Variants in MYO10 observed in about 807,000 individuals in gnomAD.
MYO10 encodes the protein myosin X.
MYO10 carries 133 observed loss-of-function variants against 257.3 expected under a neutral mutation model. That is an observed-to-expected ratio of 0.52 (90% confidence interval 0.45 to 0.60). The LOEUF is 0.60. Among genes scored for constraint, MYO10 ranks in the 20% least tolerant of loss-of-function variants. MYO10 has a pLI of 0.00. For missense variants in MYO10, 2,399 were observed against 2,635.7 expected (o/e 0.91, Z 1.97); for synonymous variants, 1,104 against 1,028.6 (o/e 1.07, Z -1.40).
rs540617475 is a variant in MYO10 at position 16,853,514 on chromosome 5, T to C, written c.120+24095A>G. ...CCTGCAGTGGTCACTGTCTCTCCTT[T>C]TGAATGCAAGGAAATATTCATGACA... On this transcript the variant is annotated intron_variant, in intron 2 of 40. Coordinates refer to ENST00000513610, the MANE Select transcript of MYO10 (RefSeq NM_012334.3). Among the ~76,000 whole-genome samples, 3 of 152,342 alleles carry C rather than the reference T, an allele frequency of 2.0e-5. No homozygotes were observed. The South Asian group carries it at 6.2e-4, about 32-fold the overall frequency.
chr5:16,920,787 T>C (rs1246982629), intron 1 of MYO10, among the ~76,000 whole-genome samples: 1 of 152,192 alleles, frequency 6.6e-6, no homozygotes, highest in African/African-American at 2.4e-5. Flanking sequence ...TCTGTACTAT[T>C]TGGGTGACTT....
intron 17 of MYO10, among the ~76,000 whole-genome samples, chr5:16,760,792 C>T (rs1380682417): frequency 1.3e-5 from 2 of 152,008 alleles, no homozygotes; most frequent in Non-Finnish European, 2.9e-5. Flanking sequence ...CAAAACTGGA[C>T]TCGATGGCTC....
intron 21 of MYO10, among the ~76,000 whole-genome samples, chr5:16,707,474 C>T (rs1387171308): frequency 1.3e-5 from 2 of 152,322 alleles, no homozygotes; most frequent in African/African-American, 2.4e-5. Context: ...AACCATTTCA[C>T]GTGGTTCTTT....
At position 16,818,398 on chromosome 5, in the gene MYO10, G is replaced by GTATA. The variant is rs1189413374; in HGVS notation, c.121-232_121-231insTATA. ...TGTGTGTGCGTGTGTGTGTGTGTGT[G>GTATA]TGTGTGTGTGTGTATATATATATAT... On this transcript the variant is annotated intron_variant, in intron 2 of 40. Coordinates refer to ENST00000513610, the MANE Select transcript of MYO10 (RefSeq NM_012334.3). Among the ~76,000 whole-genome samples the GTATA allele has an allele frequency of 1.0e-4, 11 of 107,808 alleles. No homozygotes were observed. In the South Asian group the frequency reaches 1.1e-3, roughly 11 times the overall value. 70.7% of individuals were successfully genotyped at this position (107,808 alleles called of 152,430 possible).
chr5:16,787,239 C>T (rs142560077), intron 4 of MYO10, among the ~76,000 whole-genome samples: 111 of 152,216 alleles, frequency 7.3e-4, no homozygotes, highest in Non-Finnish European at 1.2e-3. Flanking sequence ...GGAAAGCAGC[C>T]TCACATAATT....
rs182075103 is a variant in MYO10, at chr5:16,924,795, G to A, written c.21+10993C>T. On this transcript the variant is annotated intron_variant, in intron 1 of 40. Coordinates refer to ENST00000513610, the MANE Select transcript of MYO10 (RefSeq NM_012334.3). ...TGATATTAACTTTGAATTTCTATTG[G>A]CAGGAGTTATTTGGTATCAACTATC... 5.0e-4 allele frequency among the ~76,000 whole-genome samples: 75 copies of A among 150,768 alleles called. 1 individual carries two copies. Among genetic ancestry groups the A allele is most frequent in the African/African-American group, 1.8e-3 (74 of 41,044 alleles).
At chr5:16,838,511 C>G (rs952178095) in intron 2 of MYO10, among the ~76,000 whole-genome samples, 1 of 152,070 alleles carries the variant, frequency 6.6e-6, no homozygotes. Flanking sequence ...AGCACAGATT[C>G]GTTGATGAGA....
intron 19 of MYO10, among the ~76,000 whole-genome samples, chr5:16,712,954 G>T (rs1430219595): frequency 6.6e-6 from 1 of 152,168 alleles, no homozygotes; most frequent in African/African-American, 2.4e-5. Flanking sequence ...AAAAATGCGG[G>T]TTGGGGGGTG....
At chr5:16,685,045 C>CAA (rs371145574) in intron 29 of MYO10, among the ~76,000 whole-genome samples, 1 of 137,680 alleles carries the variant, frequency 7.3e-6, no homozygotes, top group Non-Finnish European at 1.6e-5. Flanking sequence ...GACTCCATCT[C>CAA]AAAAAAAAAA....
At chr5:16,707,791 G>A (rs934339346) in intron 21 of MYO10, among the ~76,000 whole-genome samples, 5 of 152,160 alleles carry the variant, frequency 3.3e-5, no homozygotes, top group Admixed American at 6.5e-5. Context: ...CCGACAGGCC[G>A]CTTCAATTCC....
intron 4 of MYO10, among the ~76,000 whole-genome samples, chr5:16,788,572 C>T (rs1488619159): frequency 2.0e-5 from 3 of 151,944 alleles, no homozygotes; most frequent in African/African-American, 7.3e-5. Context: ...AACATGCCAC[C>T]CCTGAGACAT....
At position 16,670,509 on chromosome 5, in the gene MYO10, C is replaced by T. The variant is rs27431; in HGVS notation, c.5883+17G>A. The T allele has an allele frequency of 0.74, 1,175,939 of 1,578,536 alleles. 444,535 individuals carry two copies. The highest frequency in any genetic ancestry group is 0.82 in the South Asian group (69,729 of 85,442). Reference sequence around the variant, plus strand: ...CCAGCACCCAGCCCACCCCAACACACGGCAGCCAGTTCTCACCTCCACATC... The same window carrying T: ...CCAGCACCCAGCCCACCCCAACACATGGCAGCCAGTTCTCACCTCCACATC... On this transcript the variant is annotated intron_variant, in intron 39 of 40. Coordinates refer to ENST00000513610, the MANE Select transcript of MYO10 (RefSeq NM_012334.3).
At chr5:16,685,186 A>G (rs1193762930) in intron 29 of MYO10, among the ~76,000 whole-genome samples, 1 of 152,152 alleles carries the variant, frequency 6.6e-6, no homozygotes, top group African/African-American at 2.4e-5. Context: ...ACTGGAATGT[A>G]TTACTACTTA....
chr5:16,847,897 T>TA (rs2126732819), intron 2 of MYO10, among the ~76,000 whole-genome samples: 1 of 152,198 alleles, frequency 6.6e-6, no homozygotes, highest in East Asian at 1.9e-4. Context: ...ACCCTGTCTC[T>TA]AAAAAAATAA....
intron 30 of MYO10, among the ~76,000 whole-genome samples, chr5:16,682,800 AAAT>A (rs915464225): frequency 6.6e-6 from 1 of 152,058 alleles, no homozygotes; most frequent in African/African-American, 2.4e-5. Flanking sequence ...TAAAAATAAA[AAAT>A]AAAAAAAGCC....
At chr5:16,691,240 A>C (rs1737486250) in intron 27 of MYO10, among the ~76,000 whole-genome samples, 1 of 150,926 alleles carries the variant, frequency 6.6e-6, no homozygotes, top group Admixed American at 6.6e-5. Context: ...ACTGCACTCC[A>C]ACCTGGGCGA....
intron 19 of MYO10, among the ~76,000 whole-genome samples, chr5:16,750,134 C>CT (rs1740339929): frequency 1.3e-5 from 2 of 152,130 alleles, no homozygotes; most frequent in African/African-American, 2.4e-5. Flanking sequence ...TCTGAAAACT[C>CT]TAAGTTCAGA....
At chr5:16,844,175 T>C (rs1312316467) in intron 2 of MYO10, among the ~76,000 whole-genome samples, 4 of 152,230 alleles carry the variant, frequency 2.6e-5, no homozygotes, top group African/African-American at 7.2e-5. Context: ...CTTAAACTGA[T>C]TCTCTCAAAT....
chr5:16,766,107 C>A lies in MYO10; in HGVS notation c.1152G>T (p.Glu384Asp), dbSNP rs780429335. The change falls in exon 11 of 41, where the codon GAG (glutamate) becomes GAT (aspartate). Residue 384 changes from glutamate to aspartate, a missense_variant. Coordinates refer to ENST00000513610, the MANE Select transcript of MYO10 (RefSeq NM_012334.3). ...GTTGAACATTGAGAGGCGTGAGGAT[C>A]TCTTCTCCCCTGAGGAACATTGATC... is the stretch of plus-strand genomic sequence containing the variant. ...TQRSMFLRGE[E>D]ILTPLNVQQA... 3.1e-6 allele frequency: 5 copies of A among 1,613,020 alleles called. No individual in the cohort carries two copies. In the East Asian group the frequency reaches 8.9e-5, roughly 29 times the overall value.
Sources: allele counts gnomAD v4.1 joint callset (sites outside exome capture counted in the v4.1 genomes callset), GRCh38; gene constraint gnomAD v4.1.1; transcripts MANE v1.5; gene names NCBI Gene and HGNC (gene_info 2026-07-23, HGNC 2026-07-21).